Variants in SEMA3A observed in about 807,000 individuals in gnomAD.
SEMA3A encodes the protein semaphorin-3A.
A neutral mutation model predicts 97.9 loss-of-function variants in SEMA3A; 29 were observed. That is an observed-to-expected ratio of 0.30 (90% CI 0.22 to 0.40). The LOEUF is 0.40. Ranked by LOEUF, SEMA3A falls within the 10% of genes least tolerant of loss-of-function variation. SEMA3A has a pLI of 1.00. For synonymous variants in SEMA3A, 321 were observed against 323.7 expected (o/e 0.99, Z 0.09); for missense variants, 763 against 951.3 (o/e 0.80, Z 2.60).
At chr7:84,379,560 T>A (rs371669949) in intron 1 of SEMA3A, among the ~76,000 whole-genome samples, 2 of 152,140 alleles carry the variant, frequency 1.3e-5, no homozygotes, top group Non-Finnish European at 2.9e-5. Context: ...ATAAAACATA[T>A]GAACATAATT....
chr7:84,059,981 TATC>T (rs1350709657), intron 5 of SEMA3A, among the ~76,000 whole-genome samples: 1 of 152,142 alleles, frequency 6.6e-6, no homozygotes, highest in African/African-American at 2.4e-5. Flanking sequence ...ATTCCCCACT[TATC>T]AGCAATGCTA....
chr7:84,247,245 T>A (rs895896507), intron 3 of SEMA3A, among the ~76,000 whole-genome samples: 2 of 152,300 alleles, frequency 1.3e-5, no homozygotes, highest in East Asian at 3.9e-4. Context: ...AGTGGTTTTA[T>A]AATGAAGTTT....
In SEMA3A at chr7:84,385,286, T is replaced by G. The variant is rs77970095; in HGVS notation, c.-245-13386A>C. Among the ~76,000 whole-genome samples the G allele has an allele frequency of 0.014, 2,074 of 152,162 alleles. 80 individuals are homozygous for G. In the East Asian group the frequency reaches 0.16, roughly 12 times the overall value. ...GATTTGTCTTTTGGGAAGCCTTGAG[T>G]CCATGGTTGTCTGTGTCTCCTAGCT... is the stretch of plus-strand genomic sequence containing the variant. On this transcript the variant is annotated intron_variant, in intron 1 of 3. Coordinates refer to the SEMA3A transcript ENST00000424555.
At chr7:84,033,571 A>T (rs570740324) in intron 6 of SEMA3A, among the ~76,000 whole-genome samples, 1 of 152,348 alleles carries the variant, frequency 6.6e-6, no homozygotes, top group South Asian at 2.1e-4. Context: ...ATGAGCAGTA[A>T]ATTGAATCTA....
intron 3 of SEMA3A, among the ~76,000 whole-genome samples, chr7:84,226,618 T>C (rs1453269162): frequency 6.6e-6 from 1 of 152,054 alleles, no homozygotes. Context: ...GGCAAAAATT[T>C]ATAGCCAATA....
Position 84,231,401 on chromosome 7 carries a change from G to T in SEMA3A, c.-82-36733C>A, listed in dbSNP as rs577454386. 1.7e-4 allele frequency among the ~76,000 whole-genome samples: 26 copies of T among 152,108 alleles called. 1 individual carries two copies. In the East Asian group the frequency reaches 3.7e-3, roughly 21 times the overall value. ...TAGGCCAGGAATAAGAATCCATGAG[G>T]TTAGATGGAGAGAGATTGTGAGTCA... On this transcript the variant is annotated intron_variant, in intron 3 of 3. Coordinates refer to the SEMA3A transcript ENST00000424555.
At chr7:84,083,309 AATT>A (rs1170433377) in intron 4 of SEMA3A, among the ~76,000 whole-genome samples, 4 of 151,684 alleles carry the variant, frequency 2.6e-5, no homozygotes, top group Admixed American at 2.0e-4. Flanking sequence ...TTTTCTTTTT[AATT>A]ATTATGGATA....
At chr7:84,315,742 CTT>C (rs2115886672) in intron 2 of SEMA3A, among the ~76,000 whole-genome samples, 1 of 152,042 alleles carries the variant, frequency 6.6e-6, no homozygotes, top group South Asian at 2.1e-4. Context: ...TATGCAAAAA[CTT>C]ATTTCAATTA....
intron 2 of SEMA3A, among the ~76,000 whole-genome samples, chr7:84,350,737 A>G (rs1188846490): frequency 6.6e-6 from 1 of 152,210 alleles, no homozygotes; most frequent in Non-Finnish European, 1.5e-5. Context: ...ATCAGAGCAC[A>G]ACTGTCTCAA....
At chr7:84,038,705 GTCT>G (rs956137711) in intron 6 of SEMA3A, among the ~76,000 whole-genome samples, 28 of 152,118 alleles carry the variant, frequency 1.8e-4, no homozygotes, top group African/African-American at 6.3e-4. Context: ...TGCAGTTAAT[GTCT>G]TCTTAACTAA....
At position 84,341,990 on chromosome 7, in the gene SEMA3A, G is replaced by A. The variant is rs1802183263; in HGVS notation, c.-169+29834C>T. Reference sequence around the variant, plus strand: ...ATTCTTCACATGTCATCTCAACTCAGTGAAGCCTTTCCTAAATTATCAAGT... The same window carrying A: ...ATTCTTCACATGTCATCTCAACTCAATGAAGCCTTTCCTAAATTATCAAGT... On this transcript the variant is annotated intron_variant, in intron 2 of 3. Coordinates refer to the SEMA3A transcript ENST00000424555. 2.6e-5 allele frequency among the ~76,000 whole-genome samples: 4 copies of A among 151,808 alleles called. No individual in the cohort carries two copies. The South Asian group carries it at 8.3e-4, about 31-fold the overall frequency.
chr7:84,369,395 G>T (rs1280671270), intron 2 of SEMA3A, among the ~76,000 whole-genome samples: 1 of 150,694 alleles, frequency 6.6e-6, no homozygotes, highest in African/African-American at 2.4e-5. Context: ...CATCAGTTTT[G>T]TAACTTCAAG....
chr7:84,069,090 G>C (rs1793648827), intron 4 of SEMA3A, among the ~76,000 whole-genome samples: 1 of 152,044 alleles, frequency 6.6e-6, no homozygotes, highest in Non-Finnish European at 1.5e-5. Flanking sequence ...AGTGAGATGA[G>C]GATCTGAAAT....
chr7:84,199,273 G>A (rs1798301922), upstream of SEMA3A, among the ~76,000 whole-genome samples: 1 of 152,168 alleles, frequency 6.6e-6, no homozygotes, highest in Non-Finnish European at 1.5e-5. Flanking sequence ...AAGTTAGGAT[G>A]CACTTGATTA....
chr7:84,459,509 G>A (rs770577195), intron 1 of SEMA3A, among the ~76,000 whole-genome samples: 9 of 152,076 alleles, frequency 5.9e-5, no homozygotes, highest in Non-Finnish European at 1.3e-4. Flanking sequence ...ATTAATGTTA[G>A]TAGAGATGAA....
intron 5 of SEMA3A, among the ~76,000 whole-genome samples, chr7:84,051,501 GCTCT>G (rs1422351052): frequency 1.3e-5 from 2 of 152,120 alleles, no homozygotes; most frequent in African/African-American, 2.4e-5. Context: ...TCATGATTTG[GCTCT>G]CTGTTTGTCT....
At chr7:84,201,747 A>G (rs2116298015) in intron 3 of SEMA3A, among the ~76,000 whole-genome samples, 1 of 152,252 alleles carries the variant, frequency 6.6e-6, no homozygotes, top group Admixed American at 6.5e-5. Flanking sequence ...TGTTGTATCA[A>G]ACAGAACAGA....
intron 7 of SEMA3A, among the ~76,000 whole-genome samples, chr7:84,013,882 A>G (rs2116420143): frequency 6.6e-6 from 1 of 152,288 alleles, no homozygotes. Flanking sequence ...TACAAGGTAT[A>G]GAAAACTGTG....
chr7:84,184,167 A>C (rs1046420202), intron 1 of SEMA3A, among the ~76,000 whole-genome samples: 2 of 152,142 alleles, frequency 1.3e-5, no homozygotes, highest in African/African-American at 4.8e-5. Flanking sequence ...TTGCTAAGTA[A>C]TTTCACAGGC....
Sources: gnomAD v4.1 joint callset for allele counts (sites outside exome capture counted in the v4.1 genomes callset) on GRCh38, gnomAD v4.1.1 for gene constraint, MANE v1.5 for transcripts, NCBI Gene and HGNC (gene_info 2026-07-23, HGNC 2026-07-21) for gene names.